The following WWOX variants were observed in gnomAD, a reference collection of about 807,000 sequenced individuals.
The protein encoded by WWOX is WW domain-containing oxidoreductase.
Under a neutral mutation model 46.2 loss-of-function variants are expected in WWOX, and 69 were observed. The observed-to-expected ratio is 1.49, with a 90% CI of 1.23 to 1.82. The LOEUF is 1.82. Among genes scored for constraint, WWOX ranks in the 40% most tolerant of loss-of-function variants. The pLI is 0.00. For missense variants in WWOX, 919 were observed against 542.6 expected (o/e 1.69, Z -6.89); for synonymous variants, 359 against 202.6 (o/e 1.77, Z -6.56).
At chr16:78,372,856 C>G (rs1250521912) in intron 5 of WWOX, among the ~76,000 whole-genome samples, 1 of 152,090 alleles carries the variant, frequency 6.6e-6, no homozygotes, top group Non-Finnish European at 1.5e-5. Flanking sequence ...ATCATCATGC[C>G]TCTCTTTCAG....
At chr16:78,320,665 AGAAT>A (rs1019423697) in intron 5 of WWOX, among the ~76,000 whole-genome samples, 1 of 152,220 alleles carries the variant, frequency 6.6e-6, no homozygotes, top group African/African-American at 2.4e-5. Context: ...ATCTGGATGA[AGAAT>A]GAAATATCCA....
At chr16:78,791,651 G>C (rs540127204) in intron 8 of WWOX, among the ~76,000 whole-genome samples, 3 of 152,132 alleles carry the variant, frequency 2.0e-5, no homozygotes, top group Non-Finnish European at 4.4e-5. Context: ...AATGAGATGG[G>C]TGGATCACCT....
At position 78,671,025 on chromosome 16, in the gene WWOX, C is replaced by G. The variant is rs112547705; in HGVS notation, c.1056+238273C>G. Among the ~76,000 whole-genome samples the G allele has an allele frequency of 4.6e-5, 7 of 152,220 alleles. 1 individual carries two copies. Among genetic ancestry groups the G allele is most frequent in the African/African-American group, 1.7e-4 (7 of 41,532 alleles). ...GCCAAGGCTGTGGCTACACCAGAAG[C>G]TGGAACAGAGCCTGCAAGCATTTCT... On this transcript the variant is annotated intron_variant, in intron 8 of 8. Transcript: ENST00000566780.
At chr16:78,823,424 AATGT>A (rs2051559938) in intron 8 of WWOX, among the ~76,000 whole-genome samples, 1 of 152,160 alleles carries the variant, frequency 6.6e-6, no homozygotes, top group African/African-American at 2.4e-5. Context: ...AAAGCAGAAA[AATGT>A]AAGGGAAGTC....
At chr16:78,512,406 TGA>T (rs2085383298) in intron 8 of WWOX, among the ~76,000 whole-genome samples, 1 of 152,174 alleles carries the variant, frequency 6.6e-6, no homozygotes, top group African/African-American at 2.4e-5. Context: ...AAAATAATAC[TGA>T]GTTTTGAGTG....
intron 6 of WWOX, among the ~76,000 whole-genome samples, chr16:78,402,898 T>C (rs985917112): frequency 1.3e-5 from 2 of 152,192 alleles, no homozygotes; most frequent in Admixed American, 1.3e-4. Flanking sequence ...TGTGAATTAA[T>C]CCTCAACTCC....
intron 8 of WWOX, among the ~76,000 whole-genome samples, chr16:78,966,386 C>T (rs1035143335): frequency 6.6e-6 from 1 of 152,172 alleles, no homozygotes; most frequent in Admixed American, 6.5e-5. Context: ...TGTAATCATA[C>T]TGTCTATAGA....
rs183859512 is a variant in WWOX at position 79,153,594 on chromosome 16, C to G, written c.1057-58014C>G. 3.7e-4 allele frequency among the ~76,000 whole-genome samples: 57 copies of G among 152,270 alleles called. 1 individual carries two copies. The East Asian group carries it at 9.9e-3, about 26-fold the overall frequency. ...ATAATACCTGCACACAATCAGTTGC[C>G]TGTCCAAAAAGCAATAAAGAACCTC... On this transcript the variant is annotated intron_variant, in intron 8 of 8. Coordinates refer to ENST00000566780, the MANE Select transcript of WWOX (RefSeq NM_016373.4).
intron 5 of WWOX, among the ~76,000 whole-genome samples, chr16:78,202,605 A>G (rs992086567): frequency 1.3e-4 from 20 of 152,174 alleles, no homozygotes; most frequent in African/African-American, 4.8e-4. Flanking sequence ...AGCTTTTAAC[A>G]TTTTAAAAAT....
At chr16:78,846,668 A>G (rs987442503) in intron 8 of WWOX, among the ~76,000 whole-genome samples, 5 of 152,188 alleles carry the variant, frequency 3.3e-5, no homozygotes, top group Admixed American at 2.6e-4. Context: ...GGTATCTGCC[A>G]GATTTCTCCA....
At chr16:78,481,397 G>C (rs1396071389) in intron 8 of WWOX, among the ~76,000 whole-genome samples, 1 of 152,048 alleles carries the variant, frequency 6.6e-6, no homozygotes, top group African/African-American at 2.4e-5. Flanking sequence ...TTCAATAGAG[G>C]TGAAAATCCT....
chr16:78,245,566 C>T (rs187339679), intron 5 of WWOX, among the ~76,000 whole-genome samples: 14 of 152,246 alleles, frequency 9.2e-5, no homozygotes, highest in African/African-American at 1.4e-4. Flanking sequence ...TGTTGAGATA[C>T]GAATGTATTC....
At chr16:79,081,603 C>G (rs1378094047) in intron 8 of WWOX, among the ~76,000 whole-genome samples, 1 of 152,180 alleles carries the variant, frequency 6.6e-6, no homozygotes, top group Non-Finnish European at 1.5e-5. Flanking sequence ...CTCTTTGAGC[C>G]TTCGCTTCCT....
intron 8 of WWOX, among the ~76,000 whole-genome samples, chr16:78,719,124 A>G (rs945065764): frequency 1.3e-5 from 2 of 152,222 alleles, no homozygotes; most frequent in Admixed American, 1.3e-4. Context: ...ATCCAAGCCC[A>G]TCATGTATCA....
chr16:78,356,553 G>T (rs910984865), intron 5 of WWOX, among the ~76,000 whole-genome samples: 12 of 152,130 alleles, frequency 7.9e-5, no homozygotes, highest in African/African-American at 2.9e-4. Context: ...AGGGCAGTGG[G>T]ACAGAGAGGT....
At chr16:78,399,332 C>A (rs1216057687) in intron 6 of WWOX, among the ~76,000 whole-genome samples, 3 of 152,210 alleles carry the variant, frequency 2.0e-5, no homozygotes, top group Non-Finnish European at 4.4e-5. Context: ...TCTTGGGAAA[C>A]AACTTCTAAA....
At chr16:78,627,067 C>A (rs1418337470) in intron 8 of WWOX, among the ~76,000 whole-genome samples, 6 of 152,096 alleles carry the variant, frequency 3.9e-5, no homozygotes, top group Non-Finnish European at 7.4e-5. Flanking sequence ...ACACAAAGGG[C>A]AGCATGCTAC....
chr16:79,006,179 G>C (rs1160551400), intron 8 of WWOX, among the ~76,000 whole-genome samples: 1 of 152,172 alleles, frequency 6.6e-6, no homozygotes, highest in African/African-American at 2.4e-5. Context: ...CAGAAGATGG[G>C]GTGACAAGTT....
chr16:79,025,093 C>G (rs1277178725), intron 8 of WWOX, among the ~76,000 whole-genome samples: 1 of 151,112 alleles, frequency 6.6e-6, no homozygotes, highest in Non-Finnish European at 1.5e-5. Context: ...CTCCCAAGAG[C>G]AGTGAAGAGT....
Sources: allele counts gnomAD v4.1 joint callset (sites outside exome capture counted in the v4.1 genomes callset), GRCh38; gene constraint gnomAD v4.1.1; transcripts MANE v1.5; gene names NCBI Gene and HGNC (gene_info 2026-07-23, HGNC 2026-07-21).